Variants in FLNB observed in about 807,000 individuals in gnomAD.
FLNB encodes the protein filamin-B.
In FLNB, 111 loss-of-function variants were observed where a neutral mutation model predicts 250.6. The observed-to-expected ratio is 0.44, with a 90% confidence interval of 0.38 to 0.52. The LOEUF (loss-of-function observed/expected upper bound fraction) is 0.52, where lower values mean the gene tolerates loss of function less well. Among genes scored for constraint, FLNB ranks in the 20% least tolerant of loss-of-function variants. The pLI is 0.00. For missense variants in FLNB, 2,869 were observed against 3,447.8 expected (o/e 0.83, Z 4.20); for synonymous variants, 1,302 against 1,372.1 (o/e 0.95, Z 1.13).
chr3:58,032,632 A>G (rs2097132571), intron 1 of FLNB, among the ~76,000 whole-genome samples: 1 of 152,180 alleles, frequency 6.6e-6, no homozygotes, highest in South Asian at 2.1e-4. Flanking sequence ...GTTAAGAGAG[A>G]GTTGCATTCT....
chr3:58,121,922 C>T (rs973317663), intron 20 of FLNB, among the ~76,000 whole-genome samples: 4 of 152,178 alleles, frequency 2.6e-5, no homozygotes, highest in South Asian at 4.1e-4. Context: ...GTAATCCCAG[C>T]ACTTTGGGAG....
intron 1 of FLNB, among the ~76,000 whole-genome samples, chr3:58,073,232 G>A (rs964449491): frequency 1.3e-5 from 2 of 151,712 alleles, no homozygotes; most frequent in Non-Finnish European, 2.9e-5. Context: ...TAACTTAAAG[G>A]AATTGGCATG....
chr3:58,052,333 A>G (rs1034950453), intron 1 of FLNB, among the ~76,000 whole-genome samples: 1 of 152,230 alleles, frequency 6.6e-6, no homozygotes, highest in Non-Finnish European at 1.5e-5. Context: ...TCTTCAGATT[A>G]GGAACTTCTT....
intron 41 of FLNB, 104 bp downstream of exon 41, chr3:58,156,179 T>G: frequency 1.2e-6 from 1 of 841,322 alleles, no homozygotes; most frequent in Non-Finnish European, 2.0e-6. Context: ...AGGCCCCTTT[T>G]CACATTTTGA....
intron 41 of FLNB, among the ~76,000 whole-genome samples, chr3:58,156,766 G>A (rs1308643208): frequency 6.6e-6 from 1 of 152,076 alleles, no homozygotes; most frequent in Admixed American, 6.6e-5. Context: ...GCATGATCTC[G>A]GCTCACTGAA....
chr3:58,131,864 A>G lies in FLNB; in HGVS notation c.4391-944A>G, dbSNP rs1160837267. The G allele has an allele frequency of 1.8e-5, 20 of 1,125,080 alleles. No homozygotes were observed. The East Asian group carries it at 4.9e-4, about 27-fold the overall frequency. 69.7% of individuals were successfully genotyped at this position (1,125,080 alleles called of 1,614,324 possible). A position where few individuals can be genotyped will look rare whatever the true frequency, so the allele number is the denominator to read the frequency against. ...GAGAGGGAGAAAAAGAAGAAAGAGA[A>G]GCTTTACTTGGATATCTGCCTCTAT... is the stretch of plus-strand genomic sequence containing the variant. On this transcript the variant is annotated intron_variant, in intron 25 of 45. Coordinates refer to ENST00000295956, the MANE Select transcript of FLNB (RefSeq NM_001457.4).
At position 58,008,874 on chromosome 3, in the gene FLNB, G is replaced by C; in HGVS notation, c.292+18G>C. ...GTCCATCGGTGAGTTCTCTGGCCGG[G>C]CCCAGGCGCCCACTGTGGTGCCGAC... On this transcript the variant is annotated intron_variant, in intron 1 of 45. Coordinates refer to ENST00000295956, the MANE Select transcript of FLNB (RefSeq NM_001457.4). 6.2e-7 allele frequency: 1 copy of C among 1,613,272 alleles called. No individual in the cohort carries two copies. Among genetic ancestry groups the C allele is most frequent in the Non-Finnish European group, 8.5e-7 (1 of 1,179,880 alleles).
chr3:58,166,582 A>T (rs774150538), intron 43 of FLNB, among the ~76,000 whole-genome samples: 7 of 152,154 alleles, frequency 4.6e-5, no homozygotes, highest in Non-Finnish European at 1.0e-4. Flanking sequence ...GCACTTTGGG[A>T]GGTGGAGGTG....
intron 18 of FLNB, among the ~76,000 whole-genome samples, chr3:58,116,821 A>G (rs567003005): frequency 6.6e-6 from 1 of 152,206 alleles, no homozygotes; most frequent in East Asian, 1.9e-4. Context: ...GCTGGTGGCA[A>G]TGTCTCCATT....
chr3:58,170,974 G>A lies in FLNB; in HGVS notation c.*212G>A. ...TAAGAAATGCAAGCTTGTTCAGGGG[G>A]CTGAGAAGATCCTGAGTACACTAGG... On this transcript the variant is annotated 3_prime_UTR_variant, in exon 46 of 46. Transcript: ENST00000295956. 3.6e-6 allele frequency: 2 copies of A among 562,216 alleles called. No homozygotes were observed. Among genetic ancestry groups the A allele is most frequent in the Non-Finnish European group, 6.3e-6 (2 of 315,164 alleles). 34.8% of individuals were successfully genotyped at this position (562,216 alleles called of 1,614,324 possible).
rs767600520 is a variant in FLNB at position 58,124,481 on chromosome 3, G to A, written c.3874G>A (p.Val1292Met). The A allele has an allele frequency of 6.2e-7, 1 of 1,614,218 alleles. No homozygotes were observed. The highest frequency in any genetic ancestry group is 1.1e-5 in the South Asian group (1 of 91,072). Residue 1292 changes from valine to methionine, a missense_variant, in exon 22 of 46, where the codon GTG (valine) becomes ATG (methionine). Around this residue, in one of 5 missense-constraint regions of FLNB, gnomAD observed 1,348 missense variants for 1,466.7 expected, o/e 0.92. Coordinates refer to ENST00000295956, the MANE Select transcript of FLNB (RefSeq NM_001457.4). ...AGACAATGCGGATGGGACCTACCAG[G>A]TGGAATACACACCCTTTGAGAAAGG... ...VTDNADGTYQVEYTPFEKGLH... is the reference protein window; with the variant it reads ...VTDNADGTYQMEYTPFEKGLH...
Position 58,078,632 on chromosome 3 carries a change from A to C in FLNB, c.542-85A>C, listed in dbSNP as rs141513289. Reference sequence around the variant, plus strand: ...AAAATCATTCTCTGAACTAAAAGAAAAAATGGGGTTAGTTTAGGCACATGG... The same window carrying C: ...AAAATCATTCTCTGAACTAAAAGAACAAATGGGGTTAGTTTAGGCACATGG... On this transcript the variant is annotated intron_variant, in intron 2 of 45. Coordinates refer to ENST00000295956, the MANE Select transcript of FLNB (RefSeq NM_001457.4). The C allele has an allele frequency of 2.0e-4, 301 of 1,513,046 alleles. 2 individuals carry two copies. In the African/African-American group the frequency reaches 3.2e-3, roughly 16 times the overall value. The allele number at this position is 1,513,046 out of a possible 1,614,324, so 93.7% of individuals were successfully genotyped here.
chr3:58,113,945 C>T (rs1039719157), intron 18 of FLNB, among the ~76,000 whole-genome samples: 4 of 152,122 alleles, frequency 2.6e-5, no homozygotes, highest in African/African-American at 7.2e-5. Flanking sequence ...TCCAAACCTG[C>T]GGATATTACA....
In FLNB at chr3:58,169,255, G is replaced by A; in HGVS notation, c.7418-335G>A. On this transcript the variant is annotated intron_variant, in intron 44 of 45. Coordinates refer to ENST00000295956, the MANE Select transcript of FLNB (RefSeq NM_001457.4). The surrounding 1 kb of genome is among the most constrained non-coding windows in gnomAD (Gnocchi z 4.8). ...ATATGTCATCCCAAACTTTTACACTGCTTATACATAGACTATTTTATGTCA... is the reference window on the plus strand; with the variant it reads ...ATATGTCATCCCAAACTTTTACACTACTTATACATAGACTATTTTATGTCA... 2 of 365,914 alleles carry A rather than the reference G, an allele frequency of 5.5e-6. No individual in the cohort carries two copies. The highest frequency in any genetic ancestry group is 2.7e-5 in the South Asian group (1 of 36,782). 22.7% of individuals were successfully genotyped at this position (365,914 alleles called of 1,614,324 possible). A position where few individuals can be genotyped will look rare whatever the true frequency, so the allele number is the denominator to read the frequency against.
At chr3:58,121,737 CT>C (rs1242096012) in intron 20 of FLNB, among the ~76,000 whole-genome samples, 5 of 152,188 alleles carry the variant, frequency 3.3e-5, no homozygotes, top group Non-Finnish European at 7.3e-5. Context: ...TCTTTCTTCG[CT>C]TGTTAGCATA....
At chr3:58,122,283 A>G (rs1034597785) in intron 20 of FLNB, among the ~76,000 whole-genome samples, 1 of 152,022 alleles carries the variant, frequency 6.6e-6, no homozygotes, top group East Asian at 1.9e-4. Context: ...ACTTGAGGTC[A>G]GGAGTTTGAG....
chr3:58,124,603 C>CTG, intron 22 of FLNB, 98 bp downstream of exon 22: 2 of 1,333,940 alleles, frequency 1.5e-6, no homozygotes, highest in Non-Finnish European at 2.1e-6. Flanking sequence ...TGTGCTAGGC[C>CTG]TGTCTCAGCA....
intron 1 of FLNB, among the ~76,000 whole-genome samples, chr3:58,055,967 A>G (rs74514271): frequency 0.01 from 1,544 of 152,230 alleles, 23 homozygotes; most frequent in African/African-American, 0.036. Context: ...AAAACAGTCA[A>G]TGACAGGAGA....
intron 38 of FLNB, chr3:58,152,879 T>C (rs934032025): frequency 2.2e-6 from 1 of 455,326 alleles, no homozygotes; most frequent in Non-Finnish European, 3.8e-6. Context: ...GAGAGTGATG[T>C]GGTCTTGCGT....
Sources: gnomAD v4.1 joint callset for allele counts (sites outside exome capture counted in the v4.1 genomes callset) on GRCh38, gnomAD v4.1.1 for gene constraint, gnomAD v4.1.1 regional missense constraint, Gnocchi (gnomAD v3.1) non-coding constraint, MANE v1.5 for transcripts, NCBI Gene and HGNC (gene_info 2026-07-23, HGNC 2026-07-21) for gene names.